TRPM5: variants seen among roughly 807,000 people sequenced by gnomAD.
The protein encoded by TRPM5 is MLSN1 and TRP-related.
TRPM5 carries 121 observed loss-of-function variants against 124.9 expected under a neutral mutation model. That is an observed-to-expected ratio of 0.97 (90% confidence interval 0.84 to 1.13). The LOEUF is 1.13. Ranked by LOEUF, TRPM5 falls within the 50% of genes most tolerant of loss-of-function variation. TRPM5 has a pLI of 0.00. For missense variants in TRPM5, 1,643 were observed against 1,589.1 expected (o/e 1.03, Z -0.58); for synonymous variants, 781 against 700.5 (o/e 1.11, Z -1.81).
chr11:2,422,397 C>A, intron 1 of TRPM5, 76 bp from the exon 7 acceptor site: 1 of 1,223,146 alleles, frequency 8.2e-7, no homozygotes, highest in Non-Finnish European at 1.1e-6. Flanking sequence ...GGGGGCTGGA[C>A]ACAAGGGGGC....
At chr11:2,432,274 G>A in the TRPM5 span, among the ~76,000 whole-genome samples, 10 of 152,336 alleles carry the variant, frequency 6.6e-5, no homozygotes, top group East Asian at 1.9e-3. Flanking sequence ...TTCCTCCAGC[G>A]GCCTCTGTCT....
At chr11:2,420,245 G>C in exon 4 of TRPM5, 1 of 1,607,764 alleles carries the variant, frequency 6.2e-7, no homozygotes, top group Non-Finnish European at 8.5e-7. Context: ...CCTCTGCTCC[G>C]AGATGTGCTT....
At chr11:2,420,180 C>A in intron 4 of TRPM5, 42 bp downstream of exon 9, 1 of 1,546,298 alleles carries the variant, frequency 6.5e-7, no homozygotes. Context: ...TGGATCCCCA[C>A]TGGGTCCCAA....
the TRPM5 span, among the ~76,000 whole-genome samples, chr11:2,436,019 C>T: frequency 1.3e-5 from 2 of 152,252 alleles, no homozygotes; most frequent in African/African-American, 4.8e-5. Context: ...GCGTATCTCC[C>T]AGAAGAGGTC....
intron 1 of TRPM5, 64 bp from the exon 7 acceptor site, chr11:2,422,385 G>C (rs1441681264): frequency 6.9e-7 from 1 of 1,448,098 alleles, no homozygotes; most frequent in African/African-American, 1.4e-5. Flanking sequence ...CTGGGCATTG[G>C]GGGGGGCTGG....
chr11:2,414,010 C>CCA, intron 12 of TRPM5, 51 bp downstream of exon 17: 1 of 420,366 alleles, frequency 2.4e-6, no homozygotes, highest in South Asian at 1.8e-5. Context: ...GCCCAGCTCG[C>CCA]CCGCCCACCC....
intron 18 of TRPM5, among the ~76,000 whole-genome samples, chr11:2,411,036 G>A (rs1850434142): frequency 6.6e-6 from 1 of 152,150 alleles, no homozygotes; most frequent in South Asian, 2.1e-4. Flanking sequence ...CCCAGAGCAA[G>A]ACTTGCTGCT....
intron 11 of TRPM5, among the ~76,000 whole-genome samples, 181 bp from the exon 17 acceptor site, chr11:2,414,387 CCTT>C (rs1441084000): frequency 3.9e-5 from 6 of 152,216 alleles, no homozygotes; most frequent in Admixed American, 2.6e-4. Context: ...GAACCTCCGT[CCTT>C]CTCCGGCTCT....
intron 23 of TRPM5, 95 bp from the exon 29 acceptor site, chr11:2,405,138 C>G: frequency 9.5e-7 from 1 of 1,050,474 alleles, no homozygotes; most frequent in Non-Finnish European, 1.4e-6. Context: ...GGCCAGGACG[C>G]CGTGGCTCTC....
chr11:2,432,046 G>C, the TRPM5 span, among the ~76,000 whole-genome samples: 24 of 152,208 alleles, frequency 1.6e-4, no homozygotes, highest in Middle Eastern at 3.2e-3. Context: ...GTGTCTAGGG[G>C]AGGCTGCATT....
At chr11:2,434,033 CTGTG>C in the TRPM5 span, among the ~76,000 whole-genome samples, 8 of 148,284 alleles carry the variant, frequency 5.4e-5, no homozygotes, top group East Asian at 2.0e-4. Flanking sequence ...CTGTGTGTGG[CTGTG>C]TGTGTGGACG....
chr11:2,412,647 C>T, intron 15 of TRPM5, 107 bp downstream of exon 20: 1 of 1,253,856 alleles, frequency 8.0e-7, no homozygotes, highest in Non-Finnish European at 1.1e-6. Flanking sequence ...CCATGCTGTT[C>T]TTGTTTTACA....
intron 3 of TRPM5, 121 bp downstream of exon 8, chr11:2,420,911 G>A (rs944636015): frequency 1.4e-5 from 17 of 1,174,746 alleles, no homozygotes; most frequent in African/African-American, 9.6e-5. Context: ...GGCTCTGCCC[G>A]CTCCCTGCTC....
chr11:2,428,142 G>C, the TRPM5 span, among the ~76,000 whole-genome samples: 1 of 152,168 alleles, frequency 6.6e-6, no homozygotes, highest in Non-Finnish European at 1.5e-5. The surrounding 1 kb of genome is among the most constrained non-coding windows in gnomAD (Gnocchi z 4.0). Context: ...TTAGCCACTT[G>C]GGCCTCAGTA....
chr11:2,432,504 C>G, the TRPM5 span, among the ~76,000 whole-genome samples: 1 of 152,338 alleles, frequency 6.6e-6, no homozygotes. Context: ...GCTGGGCCCA[C>G]AGGCTCAGAA....
intron 7 of TRPM5, among the ~76,000 whole-genome samples, chr11:2,417,398 T>C (rs1321254112): frequency 1.3e-5 from 2 of 152,168 alleles, no homozygotes; most frequent in Non-Finnish European, 2.9e-5. Flanking sequence ...GAGCTTGCAG[T>C]GAGCCGAGAT....
At chr11:2,413,311 C>T in intron 13 of TRPM5, 85 bp from the exon 19 acceptor site, 1 of 1,389,892 alleles carries the variant, frequency 7.2e-7, no homozygotes, top group Non-Finnish European at 9.7e-7. Flanking sequence ...ATCAAAGTGC[C>T]CACTGGGATG....
chr11:2,418,249 G>T, exon 6 of TRPM5: 1 of 1,585,296 alleles, frequency 6.3e-7, no homozygotes, highest in East Asian at 2.3e-5. Flanking sequence ...GGCCACCTTG[G>T]GCACCAGGAG....
rs538607350 is a variant in TRPM5 at position 2,415,410 on chromosome 11, C to T, written c.1190G>A (p.Arg397His). 2.6e-5 allele frequency: 41 copies of T among 1,593,548 alleles called. No homozygotes were observed. The South Asian group carries it at 2.8e-4, about 11-fold the overall frequency. Residue 397 changes from arginine (R) to histidine (H), a missense_variant, in exon 9 of 24, where the codon CGC (arginine) becomes CAC (histidine). Physicochemically the swap from Arg to His is conservative, Grantham distance 29. Coordinates refer to ENST00000155858, the Ensembl canonical transcript of TRPM5. ...GTCTGCGCCGTTGTCCACAAAGAGG[C>T]GCACAAACTCGGGCTTGTTGCTGAC...
Sources: allele counts gnomAD v4.1 joint callset (sites outside exome capture counted in the v4.1 genomes callset), GRCh38; gene constraint gnomAD v4.1.1; non-coding constraint Gnocchi (gnomAD v3.1); transcripts MANE v1.5; gene names NCBI Gene and HGNC (gene_info 2026-07-23, HGNC 2026-07-21).